Variants in HACE1 observed in about 807,000 individuals in gnomAD.
The protein encoded by HACE1 is E3 ubiquitin-protein ligase HACE1.
HACE1 carries 73 observed loss-of-function variants against 118.4 expected under a neutral mutation model. That is an observed-to-expected ratio of 0.62 (90% CI 0.51 to 0.75). The LOEUF is 0.75. Ranked by LOEUF, HACE1 falls within the 30% of genes least tolerant of loss-of-function variation. The pLI is 0.00. For synonymous variants in HACE1, 368 were observed against 374.8 expected (o/e 0.98, Z 0.21); for missense variants, 749 against 1,102.2 (o/e 0.68, Z 4.54).
rs1771939557 is a variant in HACE1 at position 104,814,720 on chromosome 6, G to A, written c.535-3327C>T. Reference sequence around the variant, plus strand: ...AGGGACCTGGTGAGAGGTGACCAGAGCATGGGAGCAGATTTCCCCCTTGCT... The same window carrying A: ...AGGGACCTGGTGAGAGGTGACCAGAACATGGGAGCAGATTTCCCCCTTGCT... On this transcript the variant is annotated intron_variant, in intron 6 of 23. Transcript: ENST00000262903. Among the ~76,000 whole-genome samples the A allele has an allele frequency of 1.5e-5, 2 of 137,286 alleles. 1 individual carries two copies. Among genetic ancestry groups the A allele is most frequent in the South Asian group, 4.5e-4 (2 of 4,472 alleles). The allele number at this position is 137,286 out of a possible 152,430, so 90.1% of individuals were successfully genotyped here.
intron 17 of HACE1, among the ~76,000 whole-genome samples, chr6:104,773,765 CT>C (rs371026841): frequency 3.1e-4 from 43 of 136,928 alleles, no homozygotes; most frequent in East Asian, 1.0e-3. Context: ...GATAAGGAGA[CT>C]TTTTTAAAAA....
chr6:104,817,211 G>C (rs1772213608), intron 6 of HACE1, among the ~76,000 whole-genome samples: 1 of 152,150 alleles, frequency 6.6e-6, no homozygotes, highest in African/African-American at 2.4e-5. Context: ...GATTTGGGAG[G>C]GGTTAGGGGT....
intron 1 of HACE1, among the ~76,000 whole-genome samples, chr6:104,855,452 AATAAAAAATAAAG>A (rs1353590421): frequency 7.2e-5 from 11 of 152,184 alleles, no homozygotes; most frequent in Non-Finnish European, 1.3e-4. Flanking sequence ...CGGAAAAAAA[AATAAAAAATAAAG>A]ATAAAAAATA....
intron 6 of HACE1, among the ~76,000 whole-genome samples, chr6:104,820,992 G>A (rs942005826): frequency 5.9e-5 from 9 of 152,130 alleles, no homozygotes; most frequent in Non-Finnish European, 1.0e-4. Flanking sequence ...TATACACCAC[G>A]GAATACTATG....
intron 7 of HACE1, among the ~76,000 whole-genome samples, chr6:104,807,019 C>CTTTTTTTTT (rs371450175): frequency 7.7e-6 from 1 of 129,158 alleles, no homozygotes. Flanking sequence ...TGTAAGAATT[C>CTTTTTTTTT]TTTTTTTTTT....
chr6:104,817,106 T>C (rs924264394), intron 6 of HACE1, among the ~76,000 whole-genome samples: 2 of 152,212 alleles, frequency 1.3e-5, no homozygotes, highest in Admixed American at 6.5e-5. Flanking sequence ...GATGAGACTT[T>C]GAACTGTGGA....
intron 6 of HACE1, among the ~76,000 whole-genome samples, chr6:104,812,436 C>A (rs910719683): frequency 1.3e-5 from 2 of 151,916 alleles, no homozygotes; most frequent in South Asian, 4.2e-4. Flanking sequence ...CAGAGAAAGA[C>A]CCCATGCCTT....
chr6:104,780,472 C>A (rs781111652), intron 14 of HACE1: 5 of 346,786 alleles, frequency 1.4e-5, no homozygotes, highest in South Asian at 4.7e-5. Context: ...AAACCACCAA[C>A]AGAAGAAGAA....
intron 7 of HACE1, among the ~76,000 whole-genome samples, chr6:104,807,471 T>C (rs1015955654): frequency 4.6e-5 from 7 of 152,216 alleles, no homozygotes; most frequent in Non-Finnish European, 7.3e-5. Context: ...ATCTTACTAA[T>C]TTACTGTATC....
chr6:104,811,489 C>A (rs1771619732), intron 6 of HACE1, 96 bp from the exon 7 acceptor site: 8 of 652,146 alleles, frequency 1.2e-5, no homozygotes, highest in South Asian at 9.6e-5. Flanking sequence ...GTTCTTCCCA[C>A]AACTTGAAGC....
intron 19 of HACE1, among the ~76,000 whole-genome samples, chr6:104,753,774 T>G (rs1032204218): frequency 6.6e-6 from 1 of 151,770 alleles, no homozygotes; most frequent in South Asian, 2.1e-4. Context: ...AGAACAAAGG[T>G]AGATTAAGGC....
chr6:104,831,971 A>G (rs1284415968), intron 6 of HACE1, among the ~76,000 whole-genome samples: 1 of 65,794 alleles, frequency 1.5e-5, no homozygotes, highest in Non-Finnish European at 2.9e-5. Flanking sequence ...AAGAGAAGAG[A>G]AGAGAAGAGA....
intron 10 of HACE1, among the ~76,000 whole-genome samples, chr6:104,793,162 G>A (rs1783234850): frequency 6.6e-6 from 1 of 151,594 alleles, no homozygotes; most frequent in Non-Finnish European, 1.5e-5. Context: ...AGCTACTTGG[G>A]AGGCTGAGGC....
intron 7 of HACE1, among the ~76,000 whole-genome samples, chr6:104,798,276 T>C (rs1012713475): frequency 6.6e-6 from 1 of 152,062 alleles, no homozygotes; most frequent in Non-Finnish European, 1.5e-5. Context: ...GGCATGTCAT[T>C]TCACAAAGAA....
intron 12 of HACE1, 89 bp downstream of exon 12, chr6:104,784,896 A>G: frequency 1.2e-6 from 1 of 865,554 alleles, no homozygotes; most frequent in East Asian, 2.4e-5. Flanking sequence ...TCAACAAATT[A>G]TTATTTGTTG....
chr6:104,757,698 G>A (rs770104907), intron 19 of HACE1, among the ~76,000 whole-genome samples: 1 of 152,176 alleles, frequency 6.6e-6, no homozygotes, highest in Non-Finnish European at 1.5e-5. Flanking sequence ...GAATGAGTTT[G>A]ATGAACTGAC....
At chr6:104,852,796 A>T (rs1776372405) in intron 1 of HACE1, among the ~76,000 whole-genome samples, 1 of 152,178 alleles carries the variant, frequency 6.6e-6, no homozygotes, top group Non-Finnish European at 1.5e-5. Flanking sequence ...ACTTACATGT[A>T]GTTTGGGGGA....
chr6:104,754,040 A>G (rs1402796953), intron 19 of HACE1, among the ~76,000 whole-genome samples: 1 of 152,214 alleles, frequency 6.6e-6, no homozygotes, highest in Admixed American at 6.5e-5. Context: ...CAGCCACAAC[A>G]GTCAGTTTAG....
intron 6 of HACE1, among the ~76,000 whole-genome samples, chr6:104,832,346 T>C (rs759063208): frequency 6.6e-6 from 1 of 151,912 alleles, no homozygotes; most frequent in African/African-American, 2.4e-5. Context: ...ATTACAAATA[T>C]TTTGAACAGA....
Sources: allele counts gnomAD v4.1 joint callset (sites outside exome capture counted in the v4.1 genomes callset), GRCh38; gene constraint gnomAD v4.1.1; transcripts MANE v1.5; gene names NCBI Gene and HGNC (gene_info 2026-07-23, HGNC 2026-07-21).